Variants in CSTPP1 observed in about 807,000 individuals in gnomAD.
CSTPP1 encodes centriolar satellite-associated tubulin polyglutamylase complex regulator 1, also known as UPF0705 protein C11orf49.
At chr11:47,059,725 G>A in the CSTPP1 span, among the ~76,000 whole-genome samples, 1 of 152,150 alleles carries the variant, frequency 6.6e-6, no homozygotes, top group South Asian at 2.1e-4. Flanking sequence ...GCCATACACT[G>A]AGCAAAATGT....
the CSTPP1 span, among the ~76,000 whole-genome samples, chr11:47,048,210 A>T: frequency 9.8e-5 from 15 of 152,384 alleles, no homozygotes; most frequent in African/African-American, 2.6e-4. Flanking sequence ...TACAAATCAT[A>T]GCAGCATTAT....
At chr11:46,946,917 A>G in the CSTPP1 span, among the ~76,000 whole-genome samples, 2 of 152,234 alleles carry the variant, frequency 1.3e-5, no homozygotes, top group African/African-American at 4.8e-5. Context: ...TTTAAGTAAC[A>G]GAATAAATTT....
At chr11:47,022,633 G>C in the CSTPP1 span, among the ~76,000 whole-genome samples, 1 of 151,934 alleles carries the variant, frequency 6.6e-6, no homozygotes, top group South Asian at 2.1e-4. Flanking sequence ...GCCTCCCAAA[G>C]TGCTGGGATT....
the CSTPP1 span, chr11:47,161,261 T>C: frequency 1.9e-6 from 3 of 1,612,406 alleles, no homozygotes; most frequent in African/African-American, 1.3e-5. Context: ...GTGCCCCATC[T>C]GGGGCCAACA....
At chr11:47,111,657 C>T in the CSTPP1 span, among the ~76,000 whole-genome samples, 1 of 152,212 alleles carries the variant, frequency 6.6e-6, no homozygotes, top group African/African-American at 2.4e-5. Context: ...AATTAACCAT[C>T]TCTGCTTGCT....
chr11:47,164,151 G>A, the CSTPP1 span: 1 of 1,613,978 alleles, frequency 6.2e-7, no homozygotes. Context: ...GGAGCCAGGG[G>A]CCTTTGGCTT....
At chr11:46,949,025 A>T in the CSTPP1 span, among the ~76,000 whole-genome samples, 2 of 152,320 alleles carry the variant, frequency 1.3e-5, no homozygotes, top group South Asian at 4.1e-4. Flanking sequence ...CATTTCACCT[A>T]TAAAAGTGGG....
At chr11:46,983,088 A>G in the CSTPP1 span, among the ~76,000 whole-genome samples, 12 of 152,334 alleles carry the variant, frequency 7.9e-5, no homozygotes, top group African/African-American at 2.9e-4. Context: ...TAGAGTCAGC[A>G]TGTAGCAATA....
At chr11:46,971,910 T>C in the CSTPP1 span, among the ~76,000 whole-genome samples, 1 of 152,194 alleles carries the variant, frequency 6.6e-6, no homozygotes, top group East Asian at 1.9e-4. Flanking sequence ...ATTGTGCCAC[T>C]GCACTTCAGC....
the CSTPP1 span, chr11:47,162,091 G>A: frequency 1.1e-5 from 11 of 987,538 alleles, no homozygotes; most frequent in Middle Eastern, 5.2e-4. Flanking sequence ...GGACATAACC[G>A]CTGTGGCCTG....
At chr11:47,004,421 C>G in the CSTPP1 span, 2 of 151,946 alleles carry the variant, frequency 1.3e-5, no homozygotes, top group Non-Finnish European at 2.9e-5. Flanking sequence ...TCATGTTATG[C>G]TCCTGCCTCA....
chr11:47,162,499 G>A, the CSTPP1 span, among the ~76,000 whole-genome samples: 3 of 152,174 alleles, frequency 2.0e-5, no homozygotes, highest in Non-Finnish European at 4.4e-5. Context: ...TTTAAAGACC[G>A]TGGCCATAAA....
At chr11:47,162,164 A>G in the CSTPP1 span, 1 of 985,654 alleles carries the variant, frequency 1.0e-6, no homozygotes, top group African/African-American at 1.7e-5. Flanking sequence ...TTCACTTGCA[A>G]AAACTGCTTC....
At chr11:47,137,609 A>G in the CSTPP1 span, 1 of 1,614,036 alleles carries the variant, frequency 6.2e-7, no homozygotes, top group Non-Finnish European at 8.5e-7. Context: ...CTTGAAATGC[A>G]GAGACCTAAT....
the CSTPP1 span, among the ~76,000 whole-genome samples, chr11:47,045,423 T>A: frequency 6.6e-6 from 1 of 152,236 alleles, no homozygotes; most frequent in Admixed American, 6.5e-5. Context: ...GGGCTAATTT[T>A]GGTCTTTGTT....
chr11:47,041,994 A>G, the CSTPP1 span: 1 of 201,942 alleles, frequency 5.0e-6, no homozygotes, highest in South Asian at 5.9e-5. Context: ...ACTTGAAGCC[A>G]GGAGTTTGAG....
chr11:47,080,181 C>T, the CSTPP1 span, among the ~76,000 whole-genome samples: 1 of 151,990 alleles, frequency 6.6e-6, no homozygotes, highest in African/African-American at 2.4e-5. Context: ...CAGGGCCGGG[C>T]GCGGTGGCTC....
chr11:47,104,990 C>G, the CSTPP1 span, among the ~76,000 whole-genome samples: 2 of 152,348 alleles, frequency 1.3e-5, no homozygotes, highest in South Asian at 4.1e-4. Context: ...GTTCCCAAAT[C>G]AAAATGAAGT....
chr11:47,013,042 G>C, the CSTPP1 span, among the ~76,000 whole-genome samples: 1 of 145,492 alleles, frequency 6.9e-6, no homozygotes, highest in South Asian at 2.1e-4. Context: ...ATAATAATAT[G>C]TTATTATATA....
Sources: gnomAD v4.1 joint callset for allele counts (sites outside exome capture counted in the v4.1 genomes callset) on GRCh38, gnomAD v4.1.1 for gene constraint, MANE v1.5 for transcripts, NCBI Gene and HGNC (gene_info 2026-07-23, HGNC 2026-07-21) for gene names.